The following GARS1 variants were observed in gnomAD, a reference collection of about 807,000 sequenced individuals.
The protein encoded by GARS1 is glycyl-tRNA synthetase 1.
A neutral mutation model predicts 86.4 loss-of-function variants in GARS1; 46 were observed. The observed-to-expected ratio is 0.53, with a 90% confidence interval of 0.42 to 0.68. The LOEUF is 0.68. Among genes scored for constraint, GARS1 ranks in the 30% least tolerant of loss-of-function variants. GARS1 has a pLI of 0.00. For synonymous variants in GARS1, 342 were observed against 329.8 expected (o/e 1.04, Z -0.40); for missense variants, 797 against 915.6 (o/e 0.87, Z 1.67).
In GARS1 at chr7:30,603,582, C is replaced by T; in HGVS notation, c.735+10C>T. Reference sequence around the variant, plus strand: ...AAGTGTTTTGGCCCAGGTGAGTACTCTAGAGATGTTATCAGAGTAACCTAG... The same window carrying T: ...AAGTGTTTTGGCCCAGGTGAGTACTTTAGAGATGTTATCAGAGTAACCTAG... On this transcript the variant is annotated intron_variant, in intron 6 of 16. Transcript: ENST00000389266. 1 of 1,601,164 alleles carries T rather than the reference C, an allele frequency of 6.2e-7. No individual in the cohort carries two copies. The highest frequency in any genetic ancestry group is 8.6e-7 in the Non-Finnish European group (1 of 1,168,850).
At chr7:30,631,978 GTGGA>G (rs1783243088) in intron 15 of GARS1, 2 of 464,398 alleles carry the variant, frequency 4.3e-6, no homozygotes, top group East Asian at 8.7e-5. Flanking sequence ...AATAGAGGTG[GTGGA>G]GTCAGGACTC....
chr7:30,626,980 CAAAAAA>C, intron 13 of GARS1: 3 of 313,306 alleles, frequency 9.6e-6, no homozygotes, highest in South Asian at 4.4e-5. Flanking sequence ...GACTCCGTCT[CAAAAAA>C]AAAAAAAAAA....
At chr7:30,612,073 G>A in intron 7 of GARS1, 23 bp from the exon 8 acceptor site, 1 of 1,602,700 alleles carries the variant, frequency 6.2e-7, no homozygotes, top group South Asian at 1.1e-5. Context: ...CTTTGTAACA[G>A]ACTGACTTAC....
chr7:30,615,634 A>G (rs1200219384), intron 8 of GARS1, among the ~76,000 whole-genome samples: 1 of 152,212 alleles, frequency 6.6e-6, no homozygotes, highest in Non-Finnish European at 1.5e-5. Context: ...TAATGTGTTT[A>G]AAAATAACCT....
chr7:30,608,120 A>G (rs538658857), intron 6 of GARS1, among the ~76,000 whole-genome samples: 1 of 152,290 alleles, frequency 6.6e-6, no homozygotes, highest in African/African-American at 2.4e-5. Context: ...CATCTTTAAC[A>G]TTACAGATAA....
intron 8 of GARS1, among the ~76,000 whole-genome samples, chr7:30,614,892 T>C (rs1782860253): frequency 6.6e-6 from 1 of 151,030 alleles, no homozygotes; most frequent in African/African-American, 2.5e-5. Flanking sequence ...AAAAAAAAAT[T>C]AAACCTCTTT....
rs752229312 is a variant in GARS1 at position 30,628,685 on chromosome 7, C to T, written c.1809+16C>T. 69 of 1,536,814 alleles carry T rather than the reference C, an allele frequency of 4.5e-5. No individual in the cohort carries two copies. The highest frequency in any genetic ancestry group is 5.9e-5 in the Non-Finnish European group (66 of 1,110,256). On this transcript the variant is annotated intron_variant, in intron 14 of 16. Coordinates refer to ENST00000389266, the MANE Select transcript of GARS1 (RefSeq NM_002047.4). ...ACAGAGAACAGTAAGTTGTTGTGTACAGTGTGCTGTTATAGTGTCAGAAAA... is the reference window on the plus strand; with the variant it reads ...ACAGAGAACAGTAAGTTGTTGTGTATAGTGTGCTGTTATAGTGTCAGAAAA...
At chr7:30,617,334 G>T in intron 10 of GARS1, 56 bp downstream of exon 10, 1 of 1,575,250 alleles carries the variant, frequency 6.3e-7, no homozygotes, top group Admixed American at 1.8e-5. Flanking sequence ...AGAAGCACAG[G>T]TACCAAATGA....
At chr7:30,594,851 C>T (rs1791202290), upstream of GARS1, 5 of 1,341,866 alleles carry the variant, frequency 3.7e-6, no homozygotes, top group South Asian at 2.5e-5. Flanking sequence ...GCGATTTCAT[C>T]ATGCTCCGAG....
Position 30,621,278 on chromosome 7 carries a change from T to C in GARS1, c.1360-115T>C, listed in dbSNP as rs190613185. On this transcript the variant is annotated intron_variant, in intron 10 of 16. Coordinates refer to ENST00000389266, the MANE Select transcript of GARS1 (RefSeq NM_002047.4). ...ATTTATGAAATTTGAATGAAGATTA[T>C]ATCATCGAATTATCATTGAATATAT... The C allele has an allele frequency of 1.0e-3, 891 of 870,472 alleles. 3 individuals are homozygous for C. The Middle Eastern group carries it at 0.01, about 10-fold the overall frequency. 53.9% of individuals were successfully genotyped at this position (870,472 alleles called of 1,614,324 possible). A position where few individuals can be genotyped will look rare whatever the true frequency, so the allele number is the denominator to read the frequency against.
Position 30,632,377 on chromosome 7 carries a change from C to G in GARS1, c.2034C>G (p.Asn678Lys). The change falls in exon 16 of 17, where the codon AAC (asparagine) becomes AAG (lysine). Residue 678 changes from asparagine to lysine, a missense_variant. Physicochemically the swap from Asn to Lys is moderately conservative, Grantham distance 94. Coordinates refer to ENST00000389266, the MANE Select transcript of GARS1 (RefSeq NM_002047.4). This position sits in a 1 kb window ranked among gnomAD's most constrained non-coding sequence, Gnocchi z 4.1. Reference sequence around the variant, plus strand: ...TCACCATTGACTTTGACACAGTGAACAAGACCCCCCACACTGCAACTCTGA... The same window carrying G: ...TCACCATTGACTTTGACACAGTGAAGAAGACCCCCCACACTGCAACTCTGA... ...FGVTIDFDTV[N>K]KTPHTATLRD... 1 of 1,614,130 alleles carries G rather than the reference C, an allele frequency of 6.2e-7. No individual in the cohort carries two copies. The highest frequency in any genetic ancestry group is 8.5e-7 in the Non-Finnish European group (1 of 1,180,010).
chr7:30,626,871 C>T (rs760906191), intron 13 of GARS1, among the ~76,000 whole-genome samples: 3 of 151,952 alleles, frequency 2.0e-5, no homozygotes, highest in African/African-American at 2.4e-5. Context: ...ATCCCAGCTA[C>T]TCGGGAGGCT....
chr7:30,631,314 A>G (rs1275280721), intron 14 of GARS1, 134 bp from the exon 15 acceptor site: 9 of 671,704 alleles, frequency 1.3e-5, no homozygotes, highest in African/African-American at 9.1e-5. Flanking sequence ...TTTTCATGTC[A>G]TGTTTTCTGG....
At chr7:30,599,485 C>T (rs1791330697) in intron 2 of GARS1, among the ~76,000 whole-genome samples, 1 of 152,174 alleles carries the variant, frequency 6.6e-6, no homozygotes, top group Non-Finnish European at 1.5e-5. Flanking sequence ...TCACTGCAAC[C>T]TCTGCCTCCC....
rs149634058 is a variant in GARS1, at chr7:30,617,419, G to A, written c.1359+141G>A. 408 of 1,008,250 alleles carry A rather than the reference G, an allele frequency of 4.0e-4. 1 individual carries two copies. The Middle Eastern group carries it at 8.4e-3, about 21-fold the overall frequency. 62.5% of individuals were successfully genotyped at this position (1,008,250 alleles called of 1,614,324 possible). On this transcript the variant is annotated intron_variant, in intron 10 of 16. Coordinates refer to ENST00000389266, the MANE Select transcript of GARS1 (RefSeq NM_002047.4). ...TCTTTTCCTGAGCAAAACAGAAAAAGCAGTTGCCTCCTGCCTTTTTATAAG... is the reference window on the plus strand; with the variant it reads ...TCTTTTCCTGAGCAAAACAGAAAAAACAGTTGCCTCCTGCCTTTTTATAAG...
chr7:30,609,524 C>T, intron 6 of GARS1, 61 bp from the exon 7 acceptor site: 1 of 1,409,316 alleles, frequency 7.1e-7, no homozygotes, highest in Non-Finnish European at 1.0e-6. Flanking sequence ...ATATATAATA[C>T]TTTATATCTT....
chr7:30,631,372 C>G (rs920088744), intron 14 of GARS1, 76 bp from the exon 15 acceptor site: 68 of 1,153,454 alleles, frequency 5.9e-5, no homozygotes, highest in Non-Finnish European at 8.4e-5. Flanking sequence ...ATATTAACCT[C>G]TTTTGGTTTG....
chr7:30,598,377 CTTTTTTT>C (rs1174085518), intron 1 of GARS1, among the ~76,000 whole-genome samples: 4 of 99,612 alleles, frequency 4.0e-5, no homozygotes, highest in South Asian at 3.5e-4. Context: ...TTGCATCATT[CTTTTTTT>C]TTTTTTTTTT....
chr7:30,620,801 G>A (rs920816990), intron 10 of GARS1, among the ~76,000 whole-genome samples: 7 of 152,236 alleles, frequency 4.6e-5, no homozygotes, highest in African/African-American at 1.7e-4. Flanking sequence ...TATGTGTTTA[G>A]TCAGCCATCT....
Sources: allele counts gnomAD v4.1 joint callset (sites outside exome capture counted in the v4.1 genomes callset), GRCh38; gene constraint gnomAD v4.1.1; non-coding constraint Gnocchi (gnomAD v3.1); transcripts MANE v1.5; gene names NCBI Gene and HGNC (gene_info 2026-07-23, HGNC 2026-07-21).